The following TRIM37 variants were observed in gnomAD, a reference collection of about 807,000 sequenced individuals.
TRIM37 encodes tripartite motif containing 37.
Under a neutral mutation model 129.8 loss-of-function variants are expected in TRIM37, and 80 were observed. The ratio of observed to expected loss-of-function variants is 0.62; its 90% CI spans 0.51 to 0.74. TRIM37 has a LOEUF of 0.74. Ranked by LOEUF, TRIM37 falls within the 30% of genes least tolerant of loss-of-function variation. The pLI is 0.00. For missense variants in TRIM37, 1,054 were observed against 1,176.5 expected (o/e 0.90, Z 1.52); for synonymous variants, 389 against 387.1 (o/e 1.00, Z -0.06).
intron 1 of TRIM37, 142 bp downstream of exon 1, chr17:59,106,299 G>T: frequency 3.1e-6 from 3 of 952,972 alleles, no homozygotes; most frequent in East Asian, 2.6e-5. Flanking sequence ...CGGCATCCTT[G>T]GTACCGGGCC....
chr17:59,056,672 G>C (rs1013906720), intron 13 of TRIM37, among the ~76,000 whole-genome samples: 2 of 125,156 alleles, frequency 1.6e-5, no homozygotes, highest in African/African-American at 5.8e-5. Flanking sequence ...GGAGCTTGTA[G>C]TGAGCCGAGA....
chr17:59,042,788 G>A (rs1219287433), intron 16 of TRIM37, among the ~76,000 whole-genome samples: 3 of 151,010 alleles, frequency 2.0e-5, no homozygotes, highest in African/African-American at 7.3e-5. Context: ...GGACAGGAAA[G>A]GAAAGGAAAG....
rs888193052 is a variant in TRIM37, at chr17:58,999,317, C to A, written c.*60G>T. Reference sequence around the variant, plus strand: ...ATCTGACTGATGACAAATTTGAGCACCAACTACAGCAAAATTCAGGGTCAA... The same window carrying A: ...ATCTGACTGATGACAAATTTGAGCAACAACTACAGCAAAATTCAGGGTCAA... On this transcript the variant is annotated 3_prime_UTR_variant, in exon 24 of 24. Transcript: ENST00000262294. The A allele has an allele frequency of 2.1e-5, 34 of 1,612,458 alleles. No individual in the cohort carries two copies. Among genetic ancestry groups the A allele is most frequent in the South Asian group, 1.8e-4 (16 of 90,822 alleles).
At chr17:59,063,450 T>C (rs571409698) in intron 10 of TRIM37, among the ~76,000 whole-genome samples, 2 of 152,332 alleles carry the variant, frequency 1.3e-5, no homozygotes, top group South Asian at 4.1e-4. Context: ...AGTGCTGGGA[T>C]TACAAGCTTA....
At chr17:59,101,736 A>G (rs898815561) in intron 2 of TRIM37, among the ~76,000 whole-genome samples, 6 of 147,392 alleles carry the variant, frequency 4.1e-5, no homozygotes, top group Non-Finnish European at 7.5e-5. Context: ...ATACATATAC[A>G]TGTTTATATA....
rs1373612492 is a variant in TRIM37, at chr17:58,999,504, T to C, written c.2813-45A>G. 1.4e-6 allele frequency: 2 copies of C among 1,469,010 alleles called. 1 individual carries two copies. Among genetic ancestry groups the C allele is most frequent in the South Asian group, 2.4e-5 (2 of 83,158 alleles). The allele number at this position is 1,469,010 out of a possible 1,614,324, so 91.0% of individuals were successfully genotyped here. Reference sequence around the variant, plus strand: ...AAAAAATTTAAAATTTAAAAGCATATAACAAGGGCAGTATTTTCCTTCCCA... The same window carrying C: ...AAAAAATTTAAAATTTAAAAGCATACAACAAGGGCAGTATTTTCCTTCCCA... On this transcript the variant is annotated intron_variant, in intron 23 of 23. Transcript: ENST00000262294.
At chr17:58,972,854 C>A in the TRIM37 span, 6 of 1,612,824 alleles carry the variant, frequency 3.7e-6, no homozygotes, top group African/African-American at 1.3e-5. Context: ...AGAATTGAGG[C>A]CCTTGGAGGT....
chr17:59,031,207 T>C (rs866326088), intron 18 of TRIM37, among the ~76,000 whole-genome samples: 1 of 152,198 alleles, frequency 6.6e-6, no homozygotes, highest in Admixed American at 6.5e-5. Context: ...TTCTAAATCA[T>C]TGATTTGATG....
At chr17:59,048,748 C>G (rs1297446807) in intron 15 of TRIM37, among the ~76,000 whole-genome samples, 1 of 152,152 alleles carries the variant, frequency 6.6e-6, no homozygotes, top group African/African-American at 2.4e-5. Context: ...AGGCAAGCAC[C>G]ACCACACCCA....
At chr17:58,996,301 T>C (rs1469182493), downstream of TRIM37, among the ~76,000 whole-genome samples, 6 of 151,168 alleles carry the variant, frequency 4.0e-5, no homozygotes, top group Non-Finnish European at 8.8e-5. Flanking sequence ...TGAAACCCCA[T>C]CTCTACTAAA....
rs72830726 is a variant in TRIM37 at position 59,104,080 on chromosome 17, C to G, written c.123+213G>C. ...CCTCCTTATGATACCGCACATTCTT[C>G]AAAATAAACATTCTAAACTCCATTC... On this transcript the variant is annotated intron_variant, in intron 2 of 23. Transcript: ENST00000262294. Among the ~76,000 whole-genome samples the G allele has an allele frequency of 7.3e-3, 1,106 of 152,272 alleles. 4 individuals carry two copies. Among genetic ancestry groups the G allele is most frequent in the Non-Finnish European group, 0.012 (783 of 68,026 alleles).
intron 5 of TRIM37, among the ~76,000 whole-genome samples, chr17:59,083,422 G>A (rs1212917819): frequency 6.8e-6 from 1 of 146,604 alleles, no homozygotes; most frequent in East Asian, 2.0e-4. Flanking sequence ...TGGGCAACAA[G>A]AGCGAAATTC....
chr17:59,009,539 G>C (rs947819882), intron 22 of TRIM37, among the ~76,000 whole-genome samples: 1 of 146,500 alleles, frequency 6.8e-6, no homozygotes, highest in Non-Finnish European at 1.5e-5. Context: ...TCCGCCTCCC[G>C]GGTTCAAGCG....
At chr17:59,011,037 G>C (rs866315676) in intron 22 of TRIM37, among the ~76,000 whole-genome samples, 1 of 151,916 alleles carries the variant, frequency 6.6e-6, no homozygotes, top group Admixed American at 6.6e-5. Flanking sequence ...AGGTGTGTTG[G>C]CAAGCGCCTG....
intron 13 of TRIM37, among the ~76,000 whole-genome samples, chr17:59,051,966 G>GT (rs1195270170): frequency 1.3e-5 from 2 of 151,956 alleles, no homozygotes; most frequent in African/African-American, 4.8e-5. Flanking sequence ...TCACGTTCCC[G>GT]TATTTCCTGC....
intron 17 of TRIM37, among the ~76,000 whole-genome samples, chr17:59,034,592 T>A (rs1223637417): frequency 6.6e-6 from 1 of 151,932 alleles, no homozygotes; most frequent in African/African-American, 2.4e-5. Context: ...ACTCCCGACC[T>A]CAGGTGATTG....
chr17:59,000,959 C>G (rs1262355278), intron 23 of TRIM37, among the ~76,000 whole-genome samples: 1 of 151,986 alleles, frequency 6.6e-6, no homozygotes, highest in Non-Finnish European at 1.5e-5. Context: ...CTTTGGGAGG[C>G]CAAGGCAGGT....
At chr17:59,054,973 G>A (rs2040697227) in intron 13 of TRIM37, among the ~76,000 whole-genome samples, 1 of 151,946 alleles carries the variant, frequency 6.6e-6, no homozygotes, top group South Asian at 2.1e-4. Context: ...GCTAAATAGG[G>A]CTGTTGTTTG....
intron 17 of TRIM37, among the ~76,000 whole-genome samples, chr17:59,033,596 T>G (rs1183522261): frequency 3.3e-5 from 5 of 151,880 alleles, no homozygotes; most frequent in Non-Finnish European, 7.4e-5. Context: ...ACACCTGTAT[T>G]TTCAGTAGAT....
Sources: gnomAD v4.1 joint callset for allele counts (sites outside exome capture counted in the v4.1 genomes callset) on GRCh38, gnomAD v4.1.1 for gene constraint, MANE v1.5 for transcripts, NCBI Gene and HGNC (gene_info 2026-07-23, HGNC 2026-07-21) for gene names.